Variants in GPC5 observed in about 807,000 individuals in gnomAD.
GPC5 encodes the protein glypican 5, also known as glypican-5.
GPC5 carries 47 observed loss-of-function variants against 53.9 expected under a neutral mutation model. That is an observed-to-expected ratio of 0.87 (90% CI 0.69 to 1.11). The LOEUF (loss-of-function observed/expected upper bound fraction) is 1.11. Among genes scored for constraint, GPC5 ranks in the 50% most tolerant of loss-of-function variants. The pLI is 0.00. For synonymous variants in GPC5, 286 were observed against 263.3 expected (o/e 1.09, Z -0.84); for missense variants, 748 against 713.1 (o/e 1.05, Z -0.56).
intron 7 of GPC5, among the ~76,000 whole-genome samples, chr13:92,590,378 T>A (rs1883675306): frequency 6.6e-6 from 1 of 151,904 alleles, no homozygotes; most frequent in Admixed American, 6.6e-5. Context: ...AAGGGAGTGT[T>A]CCACGCCCAA....
chr13:92,741,153 G>T (rs1889080446), intron 7 of GPC5, among the ~76,000 whole-genome samples: 2 of 150,604 alleles, frequency 1.3e-5, no homozygotes, highest in Admixed American at 6.7e-5. Flanking sequence ...GTATTGAAAG[G>T]CCTTTAAGGG....
At chr13:91,597,548 T>C (rs1315737468) in intron 2 of GPC5, among the ~76,000 whole-genome samples, 1 of 152,116 alleles carries the variant, frequency 6.6e-6, no homozygotes, top group Non-Finnish European at 1.5e-5. Flanking sequence ...GGTTATGAGA[T>C]TTTACTGCCT....
chr13:92,203,050 T>G (rs929822882), intron 7 of GPC5, among the ~76,000 whole-genome samples: 10 of 152,188 alleles, frequency 6.6e-5, no homozygotes, highest in African/African-American at 2.2e-4. Flanking sequence ...AAATAAATAT[T>G]CACCCCCATA....
intron 7 of GPC5, among the ~76,000 whole-genome samples, chr13:92,552,687 C>T (rs535808126): frequency 1.9e-4 from 29 of 152,050 alleles, no homozygotes; most frequent in Admixed American, 3.9e-4. Flanking sequence ...GACTCACGTA[C>T]TCAGTAGATT....
intron 7 of GPC5, among the ~76,000 whole-genome samples, chr13:92,349,622 G>A (rs1040073232): frequency 7.2e-5 from 11 of 151,728 alleles, no homozygotes; most frequent in African/African-American, 1.9e-4. Flanking sequence ...AATATATAGC[G>A]ACAAATTGGA....
intron 7 of GPC5, among the ~76,000 whole-genome samples, chr13:92,580,346 T>C (rs1422402832): frequency 6.6e-6 from 1 of 152,212 alleles, no homozygotes; most frequent in Non-Finnish European, 1.5e-5. Flanking sequence ...TCTTCCAAAT[T>C]AGTCCAATGA....
chr13:92,735,897 G>T (rs1888921763), intron 7 of GPC5, among the ~76,000 whole-genome samples: 1 of 151,978 alleles, frequency 6.6e-6, no homozygotes, highest in Non-Finnish European at 1.5e-5. Context: ...GAGGAATATT[G>T]TGTGTATGAG....
intron 7 of GPC5, among the ~76,000 whole-genome samples, chr13:92,213,684 C>T (rs1415888213): frequency 6.6e-6 from 1 of 152,092 alleles, no homozygotes; most frequent in East Asian, 1.9e-4. Context: ...TGTTGGTTCT[C>T]CTAGTAACAA....
At chr13:92,250,038 AC>A (rs758871589) in intron 7 of GPC5, among the ~76,000 whole-genome samples, 2 of 152,114 alleles carry the variant, frequency 1.3e-5, no homozygotes, top group Non-Finnish European at 2.9e-5. Context: ...GATAATAAAT[AC>A]TTCTTCATTT....
At chr13:91,589,881 T>C (rs951475200) in intron 2 of GPC5, among the ~76,000 whole-genome samples, 12 of 152,166 alleles carry the variant, frequency 7.9e-5, no homozygotes, top group Admixed American at 6.5e-4. Flanking sequence ...CCTTGCTAAA[T>C]TTTTAACTAT....
At chr13:92,502,341 A>G (rs987993172) in intron 7 of GPC5, among the ~76,000 whole-genome samples, 3 of 152,016 alleles carry the variant, frequency 2.0e-5, no homozygotes, top group Non-Finnish European at 4.4e-5. Context: ...TGGAAAAAAA[A>G]TAATAAAATG....
chr13:92,011,074 T>C (rs2040657079), intron 6 of GPC5, among the ~76,000 whole-genome samples: 1 of 152,234 alleles, frequency 6.6e-6, no homozygotes. Context: ...AAAAATACTC[T>C]TTCAATAGAT....
intron 7 of GPC5, among the ~76,000 whole-genome samples, chr13:92,743,827 C>T (rs1889172094): frequency 6.6e-6 from 1 of 152,150 alleles, no homozygotes; most frequent in African/African-American, 2.4e-5. Flanking sequence ...GCCTTTTCTG[C>T]ATCTATCGAG....
intron 7 of GPC5, among the ~76,000 whole-genome samples, chr13:92,351,945 A>G (rs75182717): frequency 0.029 from 4,395 of 152,328 alleles, 72 homozygotes; most frequent in Non-Finnish European, 0.044. Context: ...GTAATTATTT[A>G]TAAAACTCAA....
At chr13:92,522,862 GT>G (rs1156488468) in intron 7 of GPC5, among the ~76,000 whole-genome samples, 1 of 151,950 alleles carries the variant, frequency 6.6e-6, no homozygotes, top group East Asian at 1.9e-4. Flanking sequence ...TGTAAGTACA[GT>G]TTTTTTTCCT....
chr13:92,001,506 G>A (rs894590517), intron 6 of GPC5, among the ~76,000 whole-genome samples: 1 of 152,032 alleles, frequency 6.6e-6, no homozygotes, highest in Non-Finnish European at 1.5e-5. Flanking sequence ...TTTGGACAGA[G>A]ATACCACAAT....
intron 7 of GPC5, among the ~76,000 whole-genome samples, chr13:92,402,014 C>T (rs1875581076): frequency 6.6e-6 from 1 of 152,096 alleles, no homozygotes. Context: ...ATTGCTTTTA[C>T]TAAGCCGTCA....
At chr13:92,355,345 C>T (rs778180730) in intron 7 of GPC5, among the ~76,000 whole-genome samples, 29 of 151,938 alleles carry the variant, frequency 1.9e-4, no homozygotes, top group Non-Finnish European at 3.4e-4. Flanking sequence ...GAGGAAACCT[C>T]ATCTGAATCT....
At chr13:92,513,864 T>A (rs935783334) in intron 7 of GPC5, among the ~76,000 whole-genome samples, 2 of 152,200 alleles carry the variant, frequency 1.3e-5, no homozygotes, top group African/African-American at 4.8e-5. Flanking sequence ...GCATTTTGAC[T>A]ATGACTCATC....
Sources: gnomAD v4.1 joint callset for allele counts (sites outside exome capture counted in the v4.1 genomes callset) on GRCh38, gnomAD v4.1.1 for gene constraint, MANE v1.5 for transcripts, NCBI Gene and HGNC (gene_info 2026-07-23, HGNC 2026-07-21) for gene names.